KCNIP2: variants seen among roughly 807,000 people sequenced by gnomAD.
KCNIP2 encodes potassium voltage-gated channel interacting protein 2.
A neutral mutation model predicts 39.0 loss-of-function variants in KCNIP2; 19 were observed. The observed-to-expected ratio is 0.49, with a 90% CI of 0.34 to 0.71. KCNIP2 has a LOEUF of 0.71. KCNIP2 is among the 30% of genes least tolerant of loss of function. The pLI is 0.01. For missense variants in KCNIP2, 261 were observed against 346.0 expected (o/e 0.75, Z 1.95); for synonymous variants, 111 against 131.2 (o/e 0.85, Z 1.05).
At chr10:101,833,224 G>A (rs548560306) in intron 1 of KCNIP2, among the ~76,000 whole-genome samples, 56 of 150,618 alleles carry the variant, frequency 3.7e-4, no homozygotes, top group African/African-American at 1.3e-3. Flanking sequence ...AGTTCTAGCC[G>A]TGAAGAGGAG....
At chr10:101,830,335 C>T in intron 2 of KCNIP2, 1 of 1,174,168 alleles carries the variant, frequency 8.5e-7, no homozygotes, top group Non-Finnish European at 1.1e-6. Flanking sequence ...CTACACCTGT[C>T]ACCATCCTGT....
In KCNIP2 at chr10:101,828,723, G is replaced by A; in HGVS notation, c.349-27C>T. 1 of 1,614,032 alleles carries A rather than the reference G, an allele frequency of 6.2e-7. No individual in the cohort carries two copies. The highest frequency in any genetic ancestry group is 8.5e-7 in the Non-Finnish European group (1 of 1,179,976). ...TGGAAGGAGAGGGCACCAGGCTGAG[G>A]GCAGAGACAAAATCCCCTTCCGTTC... is the stretch of plus-strand genomic sequence containing the variant. On this transcript the variant is annotated intron_variant, in intron 4 of 9. Coordinates refer to ENST00000356640, the MANE Select transcript of KCNIP2 (RefSeq NM_173191.3). This position sits in a 1 kb window ranked among gnomAD's most constrained non-coding sequence, Gnocchi z 6.6.
rs1246688018 is a variant in KCNIP2, at chr10:101,838,978, C to T, written c.73+4518G>A. Among the ~76,000 whole-genome samples the T allele has an allele frequency of 6.6e-6, 1 of 152,154 alleles. No homozygotes were observed. Among genetic ancestry groups the T allele is most frequent in the African/African-American group, 2.4e-5 (1 of 41,428 alleles). ...CAGTGCCGTGGGATACTCAACAATC[C>T]ACACCTCATACACTCCACAAATTTC... On this transcript the variant is annotated intron_variant, in intron 1 of 9. Transcript: ENST00000356640. The surrounding 1 kb of genome is among the most constrained non-coding windows in gnomAD (Gnocchi z 4.0).
chr10:101,827,071 C>T lies in KCNIP2; in HGVS notation c.*282G>A. ...TAGAGTAGGGGTAGGAGGTGGGGAA[C>T]CGCTCAATTCCTACAGGAGGGGCAC... On this transcript the variant is annotated 3_prime_UTR_variant, in exon 10 of 10. Transcript: ENST00000356640. 2 of 472,054 alleles carry T rather than the reference C, an allele frequency of 4.2e-6. No individual in the cohort carries two copies. Among genetic ancestry groups the T allele is most frequent in the Non-Finnish European group, 6.6e-6 (2 of 304,346 alleles). The allele number at this position is 472,054 out of a possible 1,614,324, so 29.2% of individuals were successfully genotyped here. A position where few individuals can be genotyped will look rare whatever the true frequency, so the allele number is the denominator to read the frequency against.
intron 1 of KCNIP2, chr10:101,834,396 G>A (rs866924318): frequency 2.5e-6 from 1 of 399,226 alleles, no homozygotes; most frequent in African/African-American, 2.1e-5. Flanking sequence ...GGCCCCTACA[G>A]GGCCCAGGTT....
Position 101,828,058 on chromosome 10 carries a change from G to A in KCNIP2, c.598-65C>T. On this transcript the variant is annotated intron_variant, in intron 7 of 9. Transcript: ENST00000356640. This position sits in a 1 kb window ranked among gnomAD's most constrained non-coding sequence, Gnocchi z 6.6. ...TCCAGCCTCCCTTGATCCCTTGCTT[G>A]TGGGCATATGTGGGTCATATTTCCC... is the stretch of plus-strand genomic sequence containing the variant. 1 of 1,534,224 alleles carries A rather than the reference G, an allele frequency of 6.5e-7. No homozygotes were observed. Among genetic ancestry groups the A allele is most frequent in the Non-Finnish European group, 9.0e-7 (1 of 1,107,404 alleles).
rs754374069 is a variant in KCNIP2, at chr10:101,831,120, T to G, written c.121A>C (p.Lys41Gln). The G allele has an allele frequency of 6.2e-7, 1 of 1,613,452 alleles. No individual in the cohort carries two copies. Among genetic ancestry groups the G allele is most frequent in the Non-Finnish European group, 8.5e-7 (1 of 1,179,840 alleles). Residue 41 changes from lysine to glutamine, a missense_variant, in exon 2 of 10, where the codon AAG (lysine) becomes CAG (glutamine). Lys to Gln is a moderately conservative substitution (Grantham distance 53, BLOSUM62 1). Transcript: ENST00000356640. ...TKKALKQRFL[K>Q]LLPCCGPQAL... Reference sequence around the variant, plus strand: ...TGGGGCCCGCAGCACGGCAGCAGCTTGAGGAATCGCTGCTTCAGCGCTTTT... The same window carrying G: ...TGGGGCCCGCAGCACGGCAGCAGCTGGAGGAATCGCTGCTTCAGCGCTTTT...
At chr10:101,832,662 C>T (rs1343352950) in intron 1 of KCNIP2, among the ~76,000 whole-genome samples, 1 of 152,130 alleles carries the variant, frequency 6.6e-6, no homozygotes, top group African/African-American at 2.4e-5. Context: ...TGGCCTCTGG[C>T]CCAGGGCTCC....
Position 101,831,147 on chromosome 10 carries a change from T to C in KCNIP2, c.94A>G (p.Lys32Glu). The C allele has an allele frequency of 6.2e-7, 1 of 1,609,434 alleles. No homozygotes were observed. Among genetic ancestry groups the C allele is most frequent in the Non-Finnish European group, 8.5e-7 (1 of 1,178,120 alleles). Residue 32 changes from lysine (K) to glutamate (E), a missense_variant, in exon 2 of 10, where the codon AAA becomes GAA. Physicochemically the swap from Lys to Glu is moderately conservative, Grantham distance 56 (BLOSUM62 1). Transcript: ENST00000356640. ...AGGAATCGCTGCTTCAGCGCTTTTTTAGTGGGCCCTGGAGGGTGGCCTGGG... is the reference window on the plus strand; with the variant it reads ...AGGAATCGCTGCTTCAGCGCTTTTTCAGTGGGCCCTGGAGGGTGGCCTGGG... The part of the protein sequence containing the change: ...QLTGHPPGPT[K>E]KALKQRFLKL...
rs575471302 is a variant in KCNIP2 at position 101,831,159 on chromosome 10, G to A, written c.82C>T (p.Pro28Ser). ...GSYDQLTGHP[P>S]GPTKKALKQR... ...TTCAGCGCTTTTTTAGTGGGCCCTG[G>A]AGGGTGGCCTGGGAAGAGAGAAGAC... The change falls in exon 2 of 10, where the codon CCA becomes TCA. Residue 28 changes from proline (P) to serine (S), a missense_variant. Coordinates refer to ENST00000356640, the MANE Select transcript of KCNIP2 (RefSeq NM_173191.3). The A allele has an allele frequency of 1.2e-5, 20 of 1,605,564 alleles. No individual in the cohort carries two copies. Among genetic ancestry groups the A allele is most frequent in the Non-Finnish European group, 1.7e-5 (20 of 1,176,342 alleles).
chr10:101,829,484 C>A (rs1388107632), intron 3 of KCNIP2: 1 of 486,312 alleles, frequency 2.1e-6, no homozygotes, highest in Non-Finnish European at 3.6e-6. Flanking sequence ...GGAAGGCCCC[C>A]AGCCGCATCT....
chr10:101,826,113 A>G lies in KCNIP2; in HGVS notation c.*1240T>C, dbSNP rs1203261437. The G allele has an allele frequency of 6.5e-6, 1 of 152,700 alleles. No individual in the cohort carries two copies. Among genetic ancestry groups the G allele is most frequent in the Non-Finnish European group, 1.5e-5 (1 of 68,086 alleles). 9.5% of individuals were successfully genotyped at this position (152,700 alleles called of 1,614,324 possible). ...GGGGCTCTCCCCTCAGATTCTGGCCAACTGGGAGGGTAAGCTAAATGGGAC... is the reference window on the plus strand; with the variant it reads ...GGGGCTCTCCCCTCAGATTCTGGCCGACTGGGAGGGTAAGCTAAATGGGAC... On this transcript the variant is annotated 3_prime_UTR_variant, in exon 10 of 10. Transcript: ENST00000356640.
At chr10:101,839,677 T>G in intron 1 of KCNIP2, 1 of 1,349,096 alleles carries the variant, frequency 7.4e-7, no homozygotes. Flanking sequence ...CTTCCCTCCC[T>G]ACCTCTGCGG....
chr10:101,828,114 A>G lies in KCNIP2; in HGVS notation c.597+37T>C. The G allele has an allele frequency of 6.3e-7, 1 of 1,588,188 alleles. No individual in the cohort carries two copies. Among genetic ancestry groups the G allele is most frequent in the Non-Finnish European group, 8.6e-7 (1 of 1,156,840 alleles). On this transcript the variant is annotated intron_variant, in intron 7 of 9. Transcript: ENST00000356640. This position sits in a 1 kb window ranked among gnomAD's most constrained non-coding sequence, Gnocchi z 6.6. ...TCACCCTCTGCACGCCACCCCCATC[A>G]CCGCCACAGACCCCCAGCCCTTCAG...
At chr10:101,841,822 G>A (rs1225119182) in intron 1 of KCNIP2, among the ~76,000 whole-genome samples, 2 of 152,256 alleles carry the variant, frequency 1.3e-5, no homozygotes, top group African/African-American at 4.8e-5. Flanking sequence ...AAAGCTGGAA[G>A]CAAACACTGA....
At position 101,828,067 on chromosome 10, in the gene KCNIP2, T is replaced by C; in HGVS notation, c.598-74A>G. ...CCTTGATCCCTTGCTTGTGGGCATA[T>C]GTGGGTCATATTTCCCTCCCATCAC... On this transcript the variant is annotated intron_variant, in intron 7 of 9. Transcript: ENST00000356640. This position sits in a 1 kb window ranked among gnomAD's most constrained non-coding sequence, Gnocchi z 6.6. 6.5e-7 allele frequency: 1 copy of C among 1,541,978 alleles called. No individual in the cohort carries two copies. Among genetic ancestry groups the C allele is most frequent in the Non-Finnish European group, 9.0e-7 (1 of 1,114,360 alleles).
At chr10:101,827,832 G>T in intron 8 of KCNIP2, 57 bp downstream of exon 8, 1 of 1,544,420 alleles carries the variant, frequency 6.5e-7, no homozygotes, top group East Asian at 2.2e-5. Flanking sequence ...TTCCCTGCTG[G>T]TTCTTGGCCT....
intron 1 of KCNIP2, chr10:101,839,834 G>A (rs1427168658): frequency 1.2e-6 from 2 of 1,602,264 alleles, no homozygotes; most frequent in Admixed American, 1.7e-5. Flanking sequence ...CGGGGGCATC[G>A]GTTCATGGTT....
intron 9 of KCNIP2, 143 bp downstream of exon 9, chr10:101,827,546 G>T: frequency 7.8e-7 from 1 of 1,283,174 alleles, no homozygotes; most frequent in Non-Finnish European, 1.1e-6. Flanking sequence ...AGGTAGGGAA[G>T]GGGTAAGCCT....
Sources: gnomAD v4.1 joint callset for allele counts (sites outside exome capture counted in the v4.1 genomes callset) on GRCh38, gnomAD v4.1.1 for gene constraint, Gnocchi (gnomAD v3.1) non-coding constraint, MANE v1.5 for transcripts, NCBI Gene and HGNC (gene_info 2026-07-23, HGNC 2026-07-21) for gene names.